The following SHANK1 variants were observed in gnomAD, a reference collection of about 807,000 sequenced individuals.
The protein encoded by SHANK1 is SH3 and multiple ankyrin repeat domains protein 1.
In SHANK1, 35 loss-of-function variants were observed where a neutral mutation model predicts 165.6. That is an observed-to-expected ratio of 0.21 (90% CI 0.16 to 0.28). The LOEUF is 0.28. SHANK1 is among the 10% of genes least tolerant of loss of function. The pLI is 1.00. For missense variants in SHANK1, 2,681 were observed against 3,036.4 expected, an observed-to-expected ratio of 0.88 and a Z score of 2.75; for synonymous variants, 1,428 against 1,384.8, an observed-to-expected ratio of 1.03 and a Z score of -0.69.
intron 12 of SHANK1, among the ~76,000 whole-genome samples, chr19:50,699,367 C>T (rs1986833757): frequency 6.6e-6 from 1 of 152,182 alleles, no homozygotes; most frequent in South Asian, 2.1e-4. Flanking sequence ...CATAACTATA[C>T]AAGTGACTGT....
chr19:50,694,019 C>CCACACA lies in SHANK1; in HGVS notation c.1964+3071_1964+3076dup, dbSNP rs398034977. Among the ~76,000 whole-genome samples, 1,234 of 138,664 alleles carry CCACACA rather than the reference C, an allele frequency of 8.9e-3. 12 individuals are homozygous for CCACACA. Among genetic ancestry groups the CCACACA allele is most frequent in the East Asian group, 0.022 (100 of 4,486 alleles). The allele number at this position is 138,664 out of a possible 152,430, so 91.0% of individuals were successfully genotyped here. ...TGGGACAGACCCACTCCAGCACACA[C>CCACACA]CACACACACACACACACACACACAC... On this transcript the variant is annotated intron_variant, in intron 15 of 23. Transcript: ENST00000293441.
rs2088980639 is a variant in SHANK1, at chr19:50,709,289, C to T, written c.1077+2082G>A. ...GAGTAGCTGGGACTACAGGCGCCCG[C>T]CACCACGCCTGGCTAACTTTTTTTT... is the stretch of plus-strand genomic sequence containing the variant. On this transcript the variant is annotated intron_variant, in intron 8 of 23. Coordinates refer to ENST00000293441, the MANE Select transcript of SHANK1 (RefSeq NM_016148.5). 2.0e-5 allele frequency among the ~76,000 whole-genome samples: 3 copies of T among 152,232 alleles called. No homozygotes were observed. The South Asian group carries it at 6.2e-4, about 32-fold the overall frequency.
At chr19:50,701,148 TCTC>T (rs1986902567) in intron 12 of SHANK1, among the ~76,000 whole-genome samples, 1 of 151,146 alleles carries the variant, frequency 6.6e-6, no homozygotes, top group Non-Finnish European at 1.5e-5. Context: ...CCCAGGTCTC[TCTC>T]CTCTAAGTGC....
rs1986358729 is a variant in SHANK1, at chr19:50,686,873, C to T, written c.2390-61G>A. Reference sequence around the variant, plus strand: ...CCCCGGGGGCGGGGCGGAGCGGGCTCGGCCTGTGGGCGTGGCCAGCAGGTG... The same window carrying T: ...CCCCGGGGGCGGGGCGGAGCGGGCTTGGCCTGTGGGCGTGGCCAGCAGGTG... On this transcript the variant is annotated intron_variant, in intron 19 of 23. Coordinates refer to ENST00000293441, the MANE Select transcript of SHANK1 (RefSeq NM_016148.5). This position sits in a 1 kb window ranked among gnomAD's most constrained non-coding sequence, Gnocchi z 5.7. 5.6e-6 allele frequency: 9 copies of T among 1,596,820 alleles called. No individual in the cohort carries two copies. The highest frequency in any genetic ancestry group is 2.7e-5 in the African/African-American group (2 of 74,212).
intron 21 of SHANK1, among the ~76,000 whole-genome samples, chr19:50,677,069 AT>A (rs1404940934): frequency 6.6e-6 from 1 of 151,584 alleles, no homozygotes; most frequent in Non-Finnish European, 1.5e-5. Flanking sequence ...ATTGAGAAGG[AT>A]TCTGGGTCTT....
At chr19:50,680,655 T>C in intron 21 of SHANK1, among the ~76,000 whole-genome samples, 1 of 139,790 alleles carries the variant, frequency 7.2e-6, no homozygotes, top group Non-Finnish European at 1.5e-5. Flanking sequence ...GATAGTGGCA[T>C]CTTTTTTTTT....
chr19:50,691,853 T>TA (rs1986547789), intron 15 of SHANK1, among the ~76,000 whole-genome samples: 3 of 147,784 alleles, frequency 2.0e-5, no homozygotes, highest in African/African-American at 7.6e-5. Context: ...ATTAAAAAAA[T>TA]CTTTTTTTTT....
chr19:50,661,739 TCACA>T lies in SHANK1; in HGVS notation c.*222_*225del, dbSNP rs3833236. 914 of 487,952 alleles carry T rather than the reference TCACA, an allele frequency of 1.9e-3. No homozygotes were observed. Among genetic ancestry groups the T allele is most frequent in the Middle Eastern group, 5.6e-3 (10 of 1,780 alleles). The allele number at this position is 487,952 out of a possible 1,614,324, so 30.2% of individuals were successfully genotyped here. A position where few individuals can be genotyped will look rare whatever the true frequency, so the allele number is the denominator to read the frequency against. ...TCCTATCCCCCCTCCGCTCCCCGCT[TCACA>T]CACACACACACACTCTTGTGTCAGC... is the stretch of plus-strand genomic sequence containing the variant. On this transcript the variant is annotated 3_prime_UTR_variant, in exon 24 of 24. Coordinates refer to ENST00000293441, the MANE Select transcript of SHANK1 (RefSeq NM_016148.5).
rs543216963 is a variant in SHANK1, at chr19:50,703,884, A to C, written c.1223-54T>G. The C allele has an allele frequency of 4.5e-5, 34 of 759,614 alleles. No individual in the cohort carries two copies. The South Asian group carries it at 6.6e-4, about 15-fold the overall frequency. 47.1% of individuals were successfully genotyped at this position (759,614 alleles called of 1,614,324 possible). On this transcript the variant is annotated intron_variant, in intron 10 of 23. Transcript: ENST00000293441. Reference sequence around the variant, plus strand: ...AGATGTTAGGGGAGAAAAGGCAAGCAGGGGGCCATGCGGGGGCAAGAGATG... The same window carrying C: ...AGATGTTAGGGGAGAAAAGGCAAGCCGGGGGCCATGCGGGGGCAAGAGATG...
rs2088915707 is a variant in SHANK1 at position 50,704,583 on chromosome 19, C to T, written c.1078-69G>A. 7.3e-6 allele frequency: 10 copies of T among 1,372,500 alleles called. No individual in the cohort carries two copies. In the South Asian group the frequency reaches 9.3e-5, roughly 13 times the overall value. 85.0% of individuals were successfully genotyped at this position (1,372,500 alleles called of 1,614,324 possible). On this transcript the variant is annotated intron_variant, in intron 8 of 23. Transcript: ENST00000293441. ...AAATTAAGATCACCATGAGTGGATG[C>T]AGGTTCTGTGCTAAGAGCCTCAGGA...
intron 23 of SHANK1, among the ~76,000 whole-genome samples, chr19:50,665,426 G>A (rs1478919205): frequency 1.3e-5 from 2 of 151,882 alleles, no homozygotes; most frequent in Non-Finnish European, 2.9e-5. Context: ...AATTTGCCGG[G>A]CATGGTGGCG....
intron 1 of SHANK1, among the ~76,000 whole-genome samples, chr19:50,719,011 G>C (rs2089101665): frequency 6.6e-6 from 1 of 151,880 alleles, no homozygotes; most frequent in African/African-American, 2.4e-5. Flanking sequence ...CCTCGCTGGA[G>C]GGGAGTGGGG....
intron 21 of SHANK1, among the ~76,000 whole-genome samples, chr19:50,673,897 G>A (rs566507823): frequency 5.3e-5 from 8 of 151,150 alleles, no homozygotes; most frequent in Non-Finnish European, 1.2e-4. Flanking sequence ...GGGCCCAAGC[G>A]ATCCCAACCC....
intron 3 of SHANK1, 142 bp from the exon 4 acceptor site, chr19:50,715,872 C>T: frequency 1.2e-6 from 1 of 805,322 alleles, no homozygotes; most frequent in South Asian, 1.5e-5. Flanking sequence ...AGCCCTGGAA[C>T]CTTGGTCTAG....
In SHANK1 at chr19:50,687,543, C is replaced by G. The variant is rs202190373; in HGVS notation, c.2389+39G>C. 1.3e-5 allele frequency: 20 copies of G among 1,493,050 alleles called. No homozygotes were observed. In the East Asian group the frequency reaches 5.0e-4, roughly 37 times the overall value. 92.5% of individuals were successfully genotyped at this position (1,493,050 alleles called of 1,614,324 possible). A position where few individuals can be genotyped will look rare whatever the true frequency, so the allele number is the denominator to read the frequency against. On this transcript the variant is annotated intron_variant, in intron 19 of 23. Coordinates refer to ENST00000293441, the MANE Select transcript of SHANK1 (RefSeq NM_016148.5). ...GATGGTCCAGCCCTCCTTCCCCTCT[C>G]CCCCCGGCCCCCTGGCCTCAGCAGC...
At chr19:50,706,668 C>T (rs1025249096) in intron 8 of SHANK1, among the ~76,000 whole-genome samples, 3 of 151,940 alleles carry the variant, frequency 2.0e-5, no homozygotes, top group African/African-American at 4.8e-5. Context: ...TTCCTCACTT[C>T]GTTCAGGCTT....
rs1472987846 is a variant in SHANK1, at chr19:50,661,195, A to G, written c.*770T>C. Among the ~76,000 whole-genome samples, 9 of 152,196 alleles carry G rather than the reference A, an allele frequency of 5.9e-5. No individual in the cohort carries two copies. The East Asian group carries it at 1.5e-3, about 26-fold the overall frequency. On this transcript the variant is annotated 3_prime_UTR_variant, in exon 24 of 24. Transcript: ENST00000293441. ...CCAAGTGTGTCTGCAACAAGGGTCC[A>G]GAGCGAGCGGGGAGGAGGAGATGTG...
In SHANK1 at chr19:50,690,500, T is replaced by C. The variant is rs1430260578; in HGVS notation, c.1965-1221A>G. On this transcript the variant is annotated intron_variant, in intron 15 of 23. Coordinates refer to ENST00000293441, the MANE Select transcript of SHANK1 (RefSeq NM_016148.5). This position sits in a 1 kb window ranked among gnomAD's most constrained non-coding sequence, Gnocchi z 4.9. ...ACCCAGGAGTCACTGGAACGCGTGC[T>C]CTGCTGTGCTGAGCTTCCTTCAGCA... is the stretch of plus-strand genomic sequence containing the variant. 1.3e-5 allele frequency among the ~76,000 whole-genome samples: 2 copies of C among 152,128 alleles called. No homozygotes were observed. The highest frequency in any genetic ancestry group is 2.9e-5 in the Non-Finnish European group (2 of 68,022).
intron 15 of SHANK1, among the ~76,000 whole-genome samples, chr19:50,695,061 G>A (rs1290516076): frequency 6.8e-6 from 1 of 146,078 alleles, no homozygotes; most frequent in East Asian, 2.0e-4. Flanking sequence ...CCCCAGCCCC[G>A]GCCCGGGTCC....
Sources: allele counts gnomAD v4.1 joint callset (sites outside exome capture counted in the v4.1 genomes callset), GRCh38; gene constraint gnomAD v4.1.1; non-coding constraint Gnocchi (gnomAD v3.1); transcripts MANE v1.5; gene names NCBI Gene and HGNC (gene_info 2026-07-23, HGNC 2026-07-21).